FHIT: variants seen among roughly 807,000 people sequenced by gnomAD.
FHIT encodes the protein bis(5'-adenosyl)-triphosphatase.
Under a neutral mutation model 17.9 loss-of-function variants are expected in FHIT, and 19 were observed. The observed-to-expected ratio is 1.06, with a 90% CI of 0.74 to 1.56. The LOEUF (loss-of-function observed/expected upper bound fraction) is 1.56, where lower values mean the gene tolerates loss of function less well. Ranked by LOEUF, FHIT falls within the 40% of genes most tolerant of loss-of-function variation. The pLI, the probability that FHIT is intolerant of heterozygous loss-of-function variation, is 0.00. For missense variants in FHIT, 248 were observed against 189.2 expected (o/e 1.31, Z -1.82); for synonymous variants, 81 against 69.7 (o/e 1.16, Z -0.81).
At chr3:59,953,650 C>T (rs1187603099) in intron 7 of FHIT, among the ~76,000 whole-genome samples, 3 of 152,256 alleles carry the variant, frequency 2.0e-5, no homozygotes, top group Non-Finnish European at 2.9e-5. Context: ...GTACTGTGCT[C>T]GGCCTCCCAC....
At chr3:60,306,074 C>T (rs1390829177) in intron 5 of FHIT, among the ~76,000 whole-genome samples, 1 of 152,218 alleles carries the variant, frequency 6.6e-6, no homozygotes, top group South Asian at 2.1e-4. Flanking sequence ...CTAAAGCTAG[C>T]CTACATGTAG....
chr3:60,244,734 C>T (rs1050087439), intron 5 of FHIT, among the ~76,000 whole-genome samples: 3 of 152,092 alleles, frequency 2.0e-5, no homozygotes, highest in African/African-American at 7.2e-5. Context: ...AGACTACAAA[C>T]ATCTTGAATG....
chr3:60,795,849 T>G (rs954678690), intron 4 of FHIT, among the ~76,000 whole-genome samples: 35 of 152,160 alleles, frequency 2.3e-4, no homozygotes, highest in African/African-American at 8.2e-4. Flanking sequence ...TCCCTAACTT[T>G]TTGAGTAAGT....
intron 5 of FHIT, among the ~76,000 whole-genome samples, chr3:60,236,021 A>G (rs1168058570): frequency 6.6e-6 from 1 of 151,968 alleles, no homozygotes; most frequent in Non-Finnish European, 1.5e-5. Context: ...TTCCTCAGAC[A>G]TACTCTTCTG....
At chr3:60,947,826 G>A (rs549001544) in intron 3 of FHIT, among the ~76,000 whole-genome samples, 18 of 152,284 alleles carry the variant, frequency 1.2e-4, no homozygotes, top group African/African-American at 3.8e-4. Flanking sequence ...GGGGATAGGC[G>A]AAGTCCAGAT....
intron 2 of FHIT, among the ~76,000 whole-genome samples, chr3:61,104,605 T>C (rs1444845223): frequency 6.6e-6 from 1 of 152,194 alleles, no homozygotes; most frequent in African/African-American, 2.4e-5. Flanking sequence ...TAAATTTCAA[T>C]GTTGGCCTGT....
At chr3:60,475,327 C>T (rs1202310311) in intron 5 of FHIT, among the ~76,000 whole-genome samples, 1 of 152,156 alleles carries the variant, frequency 6.6e-6, no homozygotes, top group Non-Finnish European at 1.5e-5. Context: ...TGAAATGATG[C>T]ATGCCACAGG....
intron 5 of FHIT, among the ~76,000 whole-genome samples, chr3:60,102,477 T>C (rs1024895525): frequency 6.6e-6 from 1 of 152,208 alleles, no homozygotes; most frequent in African/African-American, 2.4e-5. Context: ...TCCAGAATGA[T>C]CTGGGGGTTC....
rs1029305102 is a variant in FHIT, at chr3:61,079,530, T to C, written c.-163-37431A>G. 1.5e-4 allele frequency among the ~76,000 whole-genome samples: 23 copies of C among 152,150 alleles called. 1 individual carries two copies. The highest frequency in any genetic ancestry group is 5.5e-4 in the African/African-American group (23 of 41,454). The stretch of plus-strand genomic sequence containing the variant: ...GTTCATAATAAATAAATAGTAAAAA[T>C]AGGATAATACCAAAAAATATGCAAA... On this transcript the variant is annotated intron_variant, in intron 2 of 9. Transcript: ENST00000492590.
chr3:59,959,117 A>C (rs1707545014), intron 7 of FHIT, among the ~76,000 whole-genome samples: 1 of 152,186 alleles, frequency 6.6e-6, no homozygotes, highest in Admixed American at 6.5e-5. Context: ...GCCTCCTTGC[A>C]CGTATAATGA....
intron 2 of FHIT, among the ~76,000 whole-genome samples, chr3:61,142,677 T>C (rs895136379): frequency 6.6e-6 from 1 of 152,190 alleles, no homozygotes; most frequent in Non-Finnish European, 1.5e-5. Context: ...TAATATTTAA[T>C]AAAAAATTAT....
chr3:60,890,131 C>T (rs1553760312), intron 3 of FHIT, among the ~76,000 whole-genome samples: 1 of 148,262 alleles, frequency 6.7e-6, no homozygotes, highest in African/African-American at 2.5e-5. Context: ...ATTGAGTGCA[C>T]AGATGTCACA....
At chr3:59,817,094 T>C (rs1250326621) in intron 8 of FHIT, among the ~76,000 whole-genome samples, 1 of 152,214 alleles carries the variant, frequency 6.6e-6, no homozygotes, top group Non-Finnish European at 1.5e-5. Flanking sequence ...AGCGTCTTCG[T>C]AGATAGGAGG....
At chr3:60,932,635 C>T (rs1258474302) in intron 3 of FHIT, among the ~76,000 whole-genome samples, 5 of 152,152 alleles carry the variant, frequency 3.3e-5, no homozygotes, top group Non-Finnish European at 1.5e-5. Context: ...AGCTAGGGCT[C>T]TCATTGGATT....
At chr3:60,723,961 T>C (rs1553708714) in intron 4 of FHIT, among the ~76,000 whole-genome samples, 1 of 152,244 alleles carries the variant, frequency 6.6e-6, no homozygotes, top group Non-Finnish European at 1.5e-5. Context: ...CTGTGGCATC[T>C]CTTTTTTGTT....
chr3:60,557,134 C>T (rs1043823158), intron 4 of FHIT, among the ~76,000 whole-genome samples: 7 of 152,174 alleles, frequency 4.6e-5, no homozygotes, highest in Non-Finnish European at 1.0e-4. Context: ...CTCACTTACT[C>T]CTCTCCAAAG....
intron 8 of FHIT, among the ~76,000 whole-genome samples, chr3:59,786,626 G>T (rs1699311896): frequency 6.6e-6 from 1 of 152,228 alleles, no homozygotes; most frequent in East Asian, 1.9e-4. Context: ...ACAAATGGTT[G>T]CTCTGTGGCT....
chr3:61,088,168 T>C (rs906200494), intron 2 of FHIT, among the ~76,000 whole-genome samples: 1 of 152,152 alleles, frequency 6.6e-6, no homozygotes, highest in African/African-American at 2.4e-5. Context: ...TCTCAGCTGC[T>C]GGGAGCCCAC....
At chr3:61,106,294 A>T (rs914103912) in intron 2 of FHIT, among the ~76,000 whole-genome samples, 4 of 152,194 alleles carry the variant, frequency 2.6e-5, no homozygotes, top group African/African-American at 4.8e-5. Context: ...CTGCCCAGTT[A>T]TGATTTGTGT....
Sources: allele counts gnomAD v4.1 joint callset (sites outside exome capture counted in the v4.1 genomes callset), GRCh38; gene constraint gnomAD v4.1.1; transcripts MANE v1.5; gene names NCBI Gene and HGNC (gene_info 2026-07-23, HGNC 2026-07-21).